The following ATRNL1 variants were observed in gnomAD, a reference collection of about 807,000 sequenced individuals.
ATRNL1 encodes the protein attractin like 1.
In ATRNL1, 95 loss-of-function variants were observed where a neutral mutation model predicts 182.7. That is an observed-to-expected ratio of 0.52 (90% CI 0.44 to 0.62). The LOEUF is 0.62. ATRNL1 is among the 20% of genes least tolerant of loss of function. The pLI, the probability that ATRNL1 is intolerant of heterozygous loss-of-function variation, is 0.00. For synonymous variants in ATRNL1, 576 were observed against 568.3 expected, an observed-to-expected ratio of 1.01 and a Z score of -0.19; for missense variants, 1,471 against 1,679.5, an observed-to-expected ratio of 0.88 and a Z score of 2.17.
chr10:115,292,266 G>T (rs1406125435), intron 15 of ATRNL1, among the ~76,000 whole-genome samples: 7 of 151,522 alleles, frequency 4.6e-5, no homozygotes, highest in Admixed American at 1.3e-4. Context: ...TCTAGCAAAT[G>T]GTTTATCAGT....
intron 27 of ATRNL1, among the ~76,000 whole-genome samples, chr10:115,743,176 A>G (rs535969636): frequency 5.1e-4 from 77 of 151,156 alleles, no homozygotes; most frequent in African/African-American, 1.8e-3. Flanking sequence ...CGGGAACTAC[A>G]ATTCAAGATG....
At chr10:115,327,053 G>A (rs1854931731) in intron 18 of ATRNL1, among the ~76,000 whole-genome samples, 3 of 151,136 alleles carry the variant, frequency 2.0e-5, no homozygotes, top group Non-Finnish European at 4.5e-5. Context: ...AACACCAAAA[G>A]CAATGGCAAC....
intron 26 of ATRNL1, among the ~76,000 whole-genome samples, chr10:115,631,787 C>T (rs921927134): frequency 2.0e-5 from 3 of 152,016 alleles, no homozygotes; most frequent in African/African-American, 4.8e-5. Context: ...CTGATATTAT[C>T]GAGATCACAT....
intron 25 of ATRNL1, among the ~76,000 whole-genome samples, chr10:115,529,031 A>G (rs1054341957): frequency 6.6e-6 from 1 of 152,128 alleles, no homozygotes; most frequent in Non-Finnish European, 1.5e-5. Context: ...GTTACCTAAC[A>G]TATATTCTGT....
At chr10:115,820,545 T>C in intron 27 of ATRNL1, 1 of 152,102 alleles carries the variant, frequency 6.6e-6, no homozygotes, top group African/African-American at 2.4e-5. Context: ...TGATAGTTTG[T>C]TTTTTCCTAA....
At chr10:115,187,670 G>GT (rs557762991) in intron 8 of ATRNL1, among the ~76,000 whole-genome samples, 3,226 of 111,764 alleles carry the variant, frequency 0.029, 78 homozygotes, top group African/African-American at 0.045. Context: ...AGGGTGCTTG[G>GT]TTTTTTTTTT....
chr10:115,616,298 G>T (rs559271437), intron 26 of ATRNL1, among the ~76,000 whole-genome samples: 1 of 152,272 alleles, frequency 6.6e-6, no homozygotes, highest in South Asian at 2.1e-4. Flanking sequence ...TTGTGGCGTG[G>T]CTGCAGCTAA....
At chr10:115,562,479 G>T (rs1853816329) in intron 26 of ATRNL1, among the ~76,000 whole-genome samples, 1 of 152,138 alleles carries the variant, frequency 6.6e-6, no homozygotes, top group South Asian at 2.1e-4. Context: ...TTTCTTTGTA[G>T]AAATTGACAA....
At chr10:115,384,443 GT>G (rs1366704837) in intron 19 of ATRNL1, among the ~76,000 whole-genome samples, 4 of 150,664 alleles carry the variant, frequency 2.7e-5, no homozygotes, top group Non-Finnish European at 4.4e-5. Flanking sequence ...AAATATAAGG[GT>G]TTTTTTTTCT....
At chr10:115,636,372 T>C (rs1858872297) in intron 26 of ATRNL1, among the ~76,000 whole-genome samples, 1 of 152,206 alleles carries the variant, frequency 6.6e-6, no homozygotes, top group South Asian at 2.1e-4. Flanking sequence ...CCTTCCATTC[T>C]TCCCAGGTAA....
intron 1 of ATRNL1, among the ~76,000 whole-genome samples, chr10:115,097,516 T>C (rs1345629078): frequency 6.6e-6 from 1 of 152,052 alleles, no homozygotes; most frequent in Admixed American, 6.5e-5. Flanking sequence ...TGAAGCATTC[T>C]ATTTGTAGTG....
intron 26 of ATRNL1, 105 bp from the exon 27 acceptor site, chr10:115,727,143 T>G: frequency 1.3e-6 from 1 of 754,340 alleles, no homozygotes; most frequent in Non-Finnish European, 2.3e-6. Context: ...TATAAAATGA[T>G]TCCTAACTTT....
intron 27 of ATRNL1, among the ~76,000 whole-genome samples, chr10:115,777,624 C>T (rs1555078286): frequency 6.6e-6 from 1 of 151,906 alleles, no homozygotes; most frequent in Non-Finnish European, 1.5e-5. Flanking sequence ...AGAAGAAATC[C>T]AGCATACAAT....
chr10:115,821,697 A>G (rs542798940), intron 27 of ATRNL1, among the ~76,000 whole-genome samples: 58 of 152,344 alleles, frequency 3.8e-4, no homozygotes, highest in Non-Finnish European at 6.9e-4. Context: ...AGGGCATTAT[A>G]TGATGGTAAA....
chr10:115,375,019 T>G (rs917811734), intron 19 of ATRNL1, among the ~76,000 whole-genome samples: 3 of 146,506 alleles, frequency 2.0e-5, no homozygotes, highest in African/African-American at 7.7e-5. Flanking sequence ...TCCAATGTTG[T>G]TTTTTTTTTA....
At chr10:115,373,804 A>T (rs1437900727) in intron 19 of ATRNL1, among the ~76,000 whole-genome samples, 14 of 151,612 alleles carry the variant, frequency 9.2e-5, no homozygotes, top group Admixed American at 9.2e-4. Context: ...ATCTATGTTT[A>T]TTAGAGATAT....
chr10:115,542,459 A>G (rs1313671761), intron 25 of ATRNL1, among the ~76,000 whole-genome samples: 3 of 152,128 alleles, frequency 2.0e-5, no homozygotes, highest in Non-Finnish European at 4.4e-5. Flanking sequence ...TGCCAATGCC[A>G]TTTATTGCAT....
At chr10:115,751,272 G>GGAATTT (rs1948440665) in intron 27 of ATRNL1, among the ~76,000 whole-genome samples, 1 of 152,048 alleles carries the variant, frequency 6.6e-6, no homozygotes, top group Non-Finnish European at 1.5e-5. Context: ...TTCTCCTGGA[G>GGAATTT]CCTCTGAAAG....
intron 23 of ATRNL1, among the ~76,000 whole-genome samples, chr10:115,468,193 C>T (rs957974239): frequency 1.3e-5 from 2 of 150,602 alleles, no homozygotes; most frequent in South Asian, 2.1e-4. Flanking sequence ...AGGAAAAATT[C>T]GTAATAACTT....
Sources: allele counts gnomAD v4.1 joint callset (sites outside exome capture counted in the v4.1 genomes callset), GRCh38; gene constraint gnomAD v4.1.1; transcripts MANE v1.5; gene names NCBI Gene and HGNC (gene_info 2026-07-23, HGNC 2026-07-21).